Variants in NUP98 observed in about 807,000 individuals in gnomAD.
The protein encoded by NUP98 is nucleoporin 98 and 96 precursor.
Under a neutral mutation model 191.9 loss-of-function variants are expected in NUP98, and 26 were observed. The observed-to-expected ratio is 0.14, with a 90% CI of 0.10 to 0.19. The LOEUF is 0.19. Ranked by LOEUF, NUP98 falls within the 10% of genes least tolerant of loss-of-function variation. The probability of loss-of-function intolerance (pLI) is 1.00; values close to 1 mark genes in which losing one functional copy is unlikely to be tolerated. For synonymous variants in NUP98, 808 were observed against 778.4 expected (o/e 1.04, Z -0.63); for missense variants, 1,941 against 2,178.8 (o/e 0.89, Z 2.17).
At chr11:3,784,868 G>A (rs372335282) in intron 1 of NUP98, among the ~76,000 whole-genome samples, 1 of 152,168 alleles carries the variant, frequency 6.6e-6, no homozygotes, top group East Asian at 1.9e-4. Context: ...CGGGCGCGGT[G>A]GCTCACACCT....
intron 2 of NUP98, among the ~76,000 whole-genome samples, chr11:3,780,461 A>G (rs10835078): frequency 1 from 146,343 of 146,386 alleles, 73,150 homozygotes; most frequent in Middle Eastern, 1. Context: ...AGAATTGCTT[A>G]AACCCAGGAG....
At chr11:3,729,211 A>G (rs1032462143) in intron 14 of NUP98, among the ~76,000 whole-genome samples, 1 of 152,140 alleles carries the variant, frequency 6.6e-6, no homozygotes, top group Non-Finnish European at 1.5e-5. Context: ...CTTTGGAAAT[A>G]AGCATAGATA....
intron 24 of NUP98, among the ~76,000 whole-genome samples, chr11:3,699,990 G>A (rs1369451418): frequency 6.6e-6 from 1 of 152,192 alleles, no homozygotes; most frequent in Non-Finnish European, 1.5e-5. Context: ...GCCAGGAAGA[G>A]GAATTACAAC....
intron 13 of NUP98, among the ~76,000 whole-genome samples, chr11:3,732,239 C>A (rs775476965): frequency 6.6e-6 from 1 of 152,242 alleles, no homozygotes; most frequent in East Asian, 1.9e-4. Context: ...CAGAGCGAGA[C>A]TCTTTCCCCA....
At chr11:3,730,579 A>T (rs971010150) in intron 14 of NUP98, among the ~76,000 whole-genome samples, 2 of 152,094 alleles carry the variant, frequency 1.3e-5, no homozygotes, top group African/African-American at 2.4e-5. Flanking sequence ...AGCCAGGCTG[A>T]TCTCAAACTC....
At position 3,676,333 on chromosome 11, in the gene NUP98, A is replaced by G. The variant is rs35913206; in HGVS notation, c.5229T>C (p.Ser1743=). 753 of 1,613,994 alleles carry G rather than the reference A, an allele frequency of 4.7e-4. 2 individuals are homozygous for G. In the African/African-American group the frequency reaches 9.2e-3, roughly 20 times the overall value. ...RVANLLRVVL[S]LHHPPDRTSD... ...AGGTTCTATCAGGAGGATGATGCAG[A>G]CTCAGCACCACGCGCAGCAGGTTGG... Residue 1743 remains serine (S), a synonymous_variant, in exon 33 of 33, where the codon AGT becomes AGC. Coordinates refer to ENST00000324932, the MANE Select transcript of NUP98 (RefSeq NM_016320.5).
chr11:3,779,111 T>TACTAGCTAC, intron 3 of NUP98, 45 bp downstream of exon 3: 1 of 1,613,072 alleles, frequency 6.2e-7, no homozygotes, highest in Non-Finnish European at 8.5e-7. Flanking sequence ...TCAATTCCTA[T>TACTAGCTAC]ACTAGCTACA....
chr11:3,761,423 A>AC (rs2081163074), intron 9 of NUP98, among the ~76,000 whole-genome samples: 1 of 152,088 alleles, frequency 6.6e-6, no homozygotes, highest in East Asian at 1.9e-4. Flanking sequence ...GCCAGGAGTT[A>AC]CCAGCCTAGC....
At chr11:3,750,721 A>C (rs1332103723) in intron 11 of NUP98, among the ~76,000 whole-genome samples, 1 of 151,838 alleles carries the variant, frequency 6.6e-6, no homozygotes, top group African/African-American at 2.4e-5. Context: ...TCTACCTCCC[A>C]GGCTGAAGCG....
At chr11:3,678,203 G>A (rs2077878522) in intron 31 of NUP98, among the ~76,000 whole-genome samples, 1 of 150,838 alleles carries the variant, frequency 6.6e-6, no homozygotes, top group Non-Finnish European at 1.5e-5. Flanking sequence ...TGTAGATTTT[G>A]TTTAATCTTT....
At chr11:3,776,288 AT>A (rs1023162185) in intron 4 of NUP98, among the ~76,000 whole-genome samples, 6 of 148,924 alleles carry the variant, frequency 4.0e-5, no homozygotes, top group Admixed American at 6.7e-5. Context: ...CACCCAGCTA[AT>A]TTTTTTTTTA....
chr11:3,773,889 C>A, intron 5 of NUP98, 150 bp from the exon 6 acceptor site: 1 of 526,382 alleles, frequency 1.9e-6, no homozygotes. Context: ...AAATATACTG[C>A]CATTTCTGAT....
intron 13 of NUP98, 132 bp from the exon 14 acceptor site, chr11:3,731,710 TC>T: frequency 3.6e-6 from 2 of 550,188 alleles, no homozygotes; most frequent in African/African-American, 1.9e-5. Context: ...AAGTCTCTGT[TC>T]CCATAAAACA....
intron 25 of NUP98, 176 bp downstream of exon 25, chr11:3,698,906 G>T (rs927478375): frequency 2.8e-6 from 2 of 708,694 alleles, no homozygotes; most frequent in Non-Finnish European, 2.3e-6. Flanking sequence ...TTGATTAAAA[G>T]TTAAATTTTA....
At chr11:3,738,998 A>G (rs1477612987) in intron 12 of NUP98, among the ~76,000 whole-genome samples, 1 of 152,116 alleles carries the variant, frequency 6.6e-6, no homozygotes. Context: ...ACATAGTTCT[A>G]AAGTACCTTC....
chr11:3,714,780 G>A (rs1287507993), intron 18 of NUP98: 1 of 152,702 alleles, frequency 6.5e-6, no homozygotes, highest in East Asian at 1.9e-4. Flanking sequence ...TAAAAAATAT[G>A]GAATGCTTCA....
chr11:3,723,598 A>G (rs2079492641), intron 15 of NUP98, 143 bp from the exon 16 acceptor site: 3 of 637,952 alleles, frequency 4.7e-6, no homozygotes, highest in Non-Finnish European at 8.1e-6. Flanking sequence ...TACTTACTAC[A>G]GCAGTACTGT....
chr11:3,777,034 A>C (rs2081756256), intron 4 of NUP98, among the ~76,000 whole-genome samples: 1 of 152,190 alleles, frequency 6.6e-6, no homozygotes. Flanking sequence ...AAGAGTGGTC[A>C]CAGTACATTT....
At chr11:3,719,224 A>C (rs2079302719) in intron 18 of NUP98, among the ~76,000 whole-genome samples, 188 bp downstream of exon 18, 1 of 152,202 alleles carries the variant, frequency 6.6e-6, no homozygotes, top group Admixed American at 6.5e-5. Context: ...AAAATCAGGG[A>C]AAAGGAGTTC....
Sources: allele counts gnomAD v4.1 joint callset (sites outside exome capture counted in the v4.1 genomes callset), GRCh38; gene constraint gnomAD v4.1.1; transcripts MANE v1.5; gene names NCBI Gene and HGNC (gene_info 2026-07-23, HGNC 2026-07-21).